EGFLAM: variants seen among roughly 807,000 people sequenced by gnomAD.
EGFLAM encodes pikachurin.
In EGFLAM, 79 loss-of-function variants were observed where a neutral mutation model predicts 113.1. That is an observed-to-expected ratio of 0.70 (90% CI 0.58 to 0.84). EGFLAM has a LOEUF of 0.84. EGFLAM is among the 40% of genes least tolerant of loss of function. The pLI is 0.00. For synonymous variants in EGFLAM, 504 were observed against 487.6 expected, an observed-to-expected ratio of 1.03 and a Z score of -0.44; for missense variants, 1,265 against 1,291.6, an observed-to-expected ratio of 0.98 and a Z score of 0.32.
intron 16 of EGFLAM, among the ~76,000 whole-genome samples, chr5:38,435,569 A>G (rs1742316321): frequency 6.6e-6 from 1 of 152,118 alleles, no homozygotes; most frequent in Non-Finnish European, 1.5e-5. Flanking sequence ...AGATACTTCC[A>G]CAGTAGGGAA....
intron 1 of EGFLAM, among the ~76,000 whole-genome samples, chr5:38,286,694 T>C (rs1310677086): frequency 1.3e-5 from 2 of 152,228 alleles, no homozygotes; most frequent in African/African-American, 4.8e-5. Flanking sequence ...TTTGTAGATA[T>C]ATTGCCATTA....
chr5:38,413,913 C>T (rs1334555648), intron 11 of EGFLAM, among the ~76,000 whole-genome samples: 1 of 152,190 alleles, frequency 6.6e-6, no homozygotes, highest in Non-Finnish European at 1.5e-5. Flanking sequence ...GGATCCCTCG[C>T]ATGCGCAGTT....
intron 17 of EGFLAM, among the ~76,000 whole-genome samples, chr5:38,443,718 G>C (rs2914345): frequency 0.17 from 26,048 of 151,588 alleles, 2,484 homozygotes; most frequent in African/African-American, 0.26. Context: ...AGGGCCCTTT[G>C]CTTTGCTAAG....
intron 1 of EGFLAM, among the ~76,000 whole-genome samples, chr5:38,314,004 A>G (rs1237844144): frequency 6.6e-6 from 1 of 152,224 alleles, no homozygotes. Flanking sequence ...TGTGTTGTAT[A>G]ATGTTTGTTT....
chr5:38,260,382 A>G (rs1289776339), intron 1 of EGFLAM, among the ~76,000 whole-genome samples: 1 of 152,254 alleles, frequency 6.6e-6, no homozygotes, highest in Non-Finnish European at 1.5e-5. Flanking sequence ...TAATCCATTT[A>G]AGGGGAATTT....
intron 17 of EGFLAM, among the ~76,000 whole-genome samples, chr5:38,447,756 CAAA>C (rs540815959): frequency 1.3e-4 from 9 of 69,458 alleles, no homozygotes; most frequent in Admixed American, 5.0e-4. Context: ...AACTTTGTTT[CAAA>C]AAAAAAAAAA....
At chr5:38,412,893 C>G (rs775791016) in intron 11 of EGFLAM, among the ~76,000 whole-genome samples, 27 of 152,316 alleles carry the variant, frequency 1.8e-4, no homozygotes, top group Non-Finnish European at 3.4e-4. Flanking sequence ...AAGAATTAAA[C>G]TTGCAAGCAT....
At chr5:38,452,036 C>CT (rs550236407) in intron 19 of EGFLAM, among the ~76,000 whole-genome samples, 1,314 of 118,370 alleles carry the variant, frequency 0.011, 26 homozygotes, top group African/African-American at 0.034. Flanking sequence ...TCCAACAGGA[C>CT]TTTTTTTTTT....
At chr5:38,326,195 G>A (rs1164926766) in intron 1 of EGFLAM, among the ~76,000 whole-genome samples, 1 of 152,036 alleles carries the variant, frequency 6.6e-6, no homozygotes, top group African/African-American at 2.4e-5. Flanking sequence ...GCCAGTGGTT[G>A]TGCCCCTCTG....
chr5:38,345,588 A>G (rs981977784), intron 3 of EGFLAM: 2 of 152,182 alleles, frequency 1.3e-5, no homozygotes, highest in Non-Finnish European at 2.9e-5. Context: ...CACCCAAAAA[A>G]TGGTGGAGGA....
At chr5:38,437,103 T>C (rs367677386) in intron 16 of EGFLAM, among the ~76,000 whole-genome samples, 1 of 152,362 alleles carries the variant, frequency 6.6e-6, no homozygotes, top group East Asian at 1.9e-4. Context: ...ATCCATTTAT[T>C]TGGGGCTAGG....
intron 16 of EGFLAM, among the ~76,000 whole-genome samples, chr5:38,436,482 G>A (rs1454204125): frequency 6.6e-6 from 1 of 152,126 alleles, no homozygotes; most frequent in African/African-American, 2.4e-5. Context: ...TGACAGTCAC[G>A]TGTTTCCCTT....
chr5:38,330,180 A>G (rs1739004644), intron 1 of EGFLAM, among the ~76,000 whole-genome samples: 1 of 151,950 alleles, frequency 6.6e-6, no homozygotes, highest in African/African-American at 2.4e-5. Flanking sequence ...TAAAAACTAC[A>G]TTTTCCAGAC....
chr5:38,354,391 A>G (rs956021607), intron 5 of EGFLAM, among the ~76,000 whole-genome samples: 2 of 152,214 alleles, frequency 1.3e-5, no homozygotes, highest in Non-Finnish European at 2.9e-5. Context: ...GATACATTAG[A>G]CAACACCAGC....
chr5:38,431,286 G>A lies in EGFLAM; in HGVS notation c.2164G>A (p.Glu722Lys). ...GCAGAAGATAGTGGAGGGAATGGCAGAGGTAAGAACAGTACACCTTTTCTC... is the reference window on the plus strand; with the variant it reads ...GCAGAAGATAGTGGAGGGAATGGCAAAGGTAAGAACAGTACACCTTTTCTC... ...DKQKIVEGMA[E>K]GGFTQIKCNT... is the part of the protein sequence containing the mutation. The change falls in exon 15 of 22, where the codon GAG becomes AAG. Residue 722 changes from glutamate (E) to lysine (K), a missense_variant and splice_region_variant. Coordinates refer to ENST00000322350, the MANE Select transcript of EGFLAM (RefSeq NM_152403.4). 1 of 1,613,940 alleles carries A rather than the reference G, an allele frequency of 6.2e-7. No homozygotes were observed. Among genetic ancestry groups the A allele is most frequent in the East Asian group, 2.2e-5 (1 of 44,874 alleles).
chr5:38,359,792 A>T (rs906062713), intron 5 of EGFLAM, among the ~76,000 whole-genome samples: 1 of 152,214 alleles, frequency 6.6e-6, no homozygotes, highest in Non-Finnish European at 1.5e-5. Context: ...TCAACGTAAG[A>T]TATTTATATT....
chr5:38,297,941 C>T (rs1170597258), intron 1 of EGFLAM, among the ~76,000 whole-genome samples: 12 of 152,194 alleles, frequency 7.9e-5, no homozygotes, highest in African/African-American at 1.4e-4. Flanking sequence ...CCATTACTGT[C>T]GTAAGGACAA....
At chr5:38,330,636 C>T (rs527817338) in intron 1 of EGFLAM, among the ~76,000 whole-genome samples, 56 of 152,318 alleles carry the variant, frequency 3.7e-4, no homozygotes, top group South Asian at 1.5e-3. Flanking sequence ...ACAAGGGATA[C>T]AAGAACTGGT....
At chr5:38,459,754 G>A (rs918533056) in intron 20 of EGFLAM, among the ~76,000 whole-genome samples, 1 of 136,568 alleles carries the variant, frequency 7.3e-6, no homozygotes, top group African/African-American at 3.3e-5. Flanking sequence ...CCAACCCCTG[G>A]CTGCTGGGCC....
Sources: allele counts gnomAD v4.1 joint callset (sites outside exome capture counted in the v4.1 genomes callset), GRCh38; gene constraint gnomAD v4.1.1; transcripts MANE v1.5; gene names NCBI Gene and HGNC (gene_info 2026-07-23, HGNC 2026-07-21).